Variants in CFAP61 observed in about 807,000 individuals in gnomAD.
CFAP61 encodes cilia and flagella associated protein 61, also known as cilia- and flagella-associated protein 61.
A neutral mutation model predicts 135.6 loss-of-function variants in CFAP61; 107 were observed. The observed-to-expected ratio is 0.79, with a 90% confidence interval of 0.67 to 0.93. The LOEUF (loss-of-function observed/expected upper bound fraction) is 0.93, where lower values mean the gene tolerates loss of function less well. Among genes scored for constraint, CFAP61 ranks in the 40% least tolerant of loss-of-function variants. CFAP61 has a pLI of 0.00. For synonymous variants in CFAP61, 575 were observed against 578.5 expected (o/e 0.99, Z 0.09); for missense variants, 1,507 against 1,556.2 (o/e 0.97, Z 0.53).
intron 13 of CFAP61, chr20:20,184,456 G>A (rs2055353682): frequency 6.6e-6 from 1 of 152,206 alleles, no homozygotes; most frequent in Admixed American, 6.5e-5. Context: ...TAAAGAGAAA[G>A]TAGGAAGTGC....
At chr20:20,168,407 G>A (rs1311157921) in intron 12 of CFAP61, among the ~76,000 whole-genome samples, 2 of 152,132 alleles carry the variant, frequency 1.3e-5, no homozygotes, top group East Asian at 1.9e-4. Flanking sequence ...ACTTATTAAT[G>A]AGCTATTTAC....
At chr20:20,263,780 C>T (rs1372322260) in intron 21 of CFAP61, among the ~76,000 whole-genome samples, 1 of 152,070 alleles carries the variant, frequency 6.6e-6, no homozygotes, top group African/African-American at 2.4e-5. Context: ...TAATTGAAAC[C>T]TAGGAGTCAA....
At chr20:20,225,650 C>G (rs1202839416) in intron 17 of CFAP61, 1 of 152,188 alleles carries the variant, frequency 6.6e-6, no homozygotes, top group Non-Finnish European at 1.5e-5. Flanking sequence ...CTTACACTTC[C>G]AACAGCAGAG....
At chr20:20,119,701 A>T (rs992528027) in intron 8 of CFAP61, among the ~76,000 whole-genome samples, 1 of 152,112 alleles carries the variant, frequency 6.6e-6, no homozygotes, top group Non-Finnish European at 1.5e-5. Context: ...AGGTAAACTC[A>T]TGTCATGGGG....
chr20:20,256,021 G>A (rs1425231490), intron 20 of CFAP61, among the ~76,000 whole-genome samples: 1 of 152,160 alleles, frequency 6.6e-6, no homozygotes, highest in Non-Finnish European at 1.5e-5. Flanking sequence ...CGCTGGAGAC[G>A]CTGTAGGTGA....
intron 25 of CFAP61, 48 bp downstream of exon 25, chr20:20,298,434 T>G (rs1347764363): frequency 6.7e-7 from 1 of 1,486,930 alleles, no homozygotes; most frequent in Non-Finnish European, 9.3e-7. Flanking sequence ...AATATATATA[T>G]AATGTCTGTG....
chr20:20,101,626 A>T (rs945078240), intron 8 of CFAP61, among the ~76,000 whole-genome samples: 3 of 131,112 alleles, frequency 2.3e-5, no homozygotes, highest in African/African-American at 5.9e-5. Flanking sequence ...TTTTATTTTT[A>T]TTATTGTTAT....
intron 25 of CFAP61, among the ~76,000 whole-genome samples, chr20:20,325,006 G>A (rs1291490058): frequency 1.3e-5 from 2 of 151,938 alleles, no homozygotes; most frequent in African/African-American, 4.8e-5. Flanking sequence ...CATTTTTAGG[G>A]CAGTTCTAGG....
At chr20:20,265,876 C>G (rs1215218183) in intron 21 of CFAP61, 1 of 190,914 alleles carries the variant, frequency 5.2e-6, no homozygotes. Context: ...AGGTCATACT[C>G]AGACATAACT....
intron 22 of CFAP61, among the ~76,000 whole-genome samples, chr20:20,285,321 A>C (rs530906504): frequency 1.3e-5 from 2 of 151,410 alleles, no homozygotes; most frequent in East Asian, 3.9e-4. Context: ...CGTTCACTGA[A>C]CTTCTCGAAT....
At chr20:20,355,349 G>C (rs373627180) in intron 26 of CFAP61, among the ~76,000 whole-genome samples, 5,300 of 125,624 alleles carry the variant, frequency 0.042, 120 homozygotes, top group African/African-American at 0.072. Flanking sequence ...CACACTGTGA[G>C]GGGAGGTGGT....
At chr20:20,313,336 G>T (rs1438464054) in intron 25 of CFAP61, among the ~76,000 whole-genome samples, 1 of 152,212 alleles carries the variant, frequency 6.6e-6, no homozygotes, top group East Asian at 1.9e-4. Flanking sequence ...ATACATTTCT[G>T]TTGTTTAAGC....
Position 20,112,954 on chromosome 20 carries a change from T to C in CFAP61, c.859+14140T>C, listed in dbSNP as rs140963164. Among the ~76,000 whole-genome samples the C allele has an allele frequency of 5.4e-3, 830 of 152,320 alleles. 7 individuals are homozygous for C. The highest frequency in any genetic ancestry group is 7.5e-3 in the Non-Finnish European group (510 of 68,026). On this transcript the variant is annotated intron_variant, in intron 8 of 26. Coordinates refer to ENST00000245957, the MANE Select transcript of CFAP61 (RefSeq NM_015585.4). ...TTTTAGGGAAGTGGTTTGATTTTCA[T>C]TGGGTGTGATTATTGTGTGTGCTTG...
chr20:20,092,550 T>C (rs1448871745), intron 7 of CFAP61, among the ~76,000 whole-genome samples: 2 of 152,238 alleles, frequency 1.3e-5, no homozygotes, highest in Non-Finnish European at 2.9e-5. Context: ...TTGGCATATA[T>C]GCAGATCACC....
chr20:20,128,142 C>A (rs1330133150), intron 8 of CFAP61, among the ~76,000 whole-genome samples: 1 of 151,744 alleles, frequency 6.6e-6, no homozygotes, highest in Non-Finnish European at 1.5e-5. Context: ...CTTGGTTCTT[C>A]CCCCTTCTGT....
rs1358806678 is a variant in CFAP61 at position 20,104,097 on chromosome 20, A to G, written c.859+5283A>G. On this transcript the variant is annotated intron_variant, in intron 8 of 26. Coordinates refer to ENST00000245957, the MANE Select transcript of CFAP61 (RefSeq NM_015585.4). Reference sequence around the variant, plus strand: ...TTGGCAGGGAGAGATTTCACTTTACATAATAGAGTTATGGGCATTCAAAAG... The same window carrying G: ...TTGGCAGGGAGAGATTTCACTTTACGTAATAGAGTTATGGGCATTCAAAAG... Among the ~76,000 whole-genome samples, 6 of 152,190 alleles carry G rather than the reference A, an allele frequency of 3.9e-5. No homozygotes were observed. In the East Asian group the frequency reaches 7.7e-4, roughly 20 times the overall value.
chr20:20,181,290 C>CACACACACACACAA (rs2055078308), intron 13 of CFAP61, among the ~76,000 whole-genome samples: 1 of 150,754 alleles, frequency 6.6e-6, no homozygotes, highest in Non-Finnish European at 1.5e-5. Flanking sequence ...CACACACACA[C>CACACACACACACAA]ACACACACAC....
chr20:20,213,244 A>G (rs1486158433), intron 17 of CFAP61, among the ~76,000 whole-genome samples: 1 of 152,208 alleles, frequency 6.6e-6, no homozygotes, highest in Non-Finnish European at 1.5e-5. Flanking sequence ...TTATTTTGAA[A>G]GAATTTCATG....
chr20:20,227,115 C>T (rs1368087078), intron 17 of CFAP61, among the ~76,000 whole-genome samples: 2 of 151,840 alleles, frequency 1.3e-5, no homozygotes, highest in East Asian at 3.9e-4. Flanking sequence ...AAGCGCATGG[C>T]CACACCCATA....
Sources: allele counts gnomAD v4.1 joint callset (sites outside exome capture counted in the v4.1 genomes callset), GRCh38; gene constraint gnomAD v4.1.1; transcripts MANE v1.5; gene names NCBI Gene and HGNC (gene_info 2026-07-23, HGNC 2026-07-21).